PCDH11X: variants seen among roughly 807,000 people sequenced by gnomAD.
The protein encoded by PCDH11X is protocadherin-11 X-linked.
PCDH11X carries 18 observed loss-of-function variants against 53.3 expected under a neutral mutation model. The ratio of observed to expected loss-of-function variants is 0.34; its 90% CI spans 0.23 to 0.50. The LOEUF is 0.50. PCDH11X is among the 20% of genes least tolerant of loss of function. The pLI, the probability that PCDH11X is intolerant of heterozygous loss-of-function variation, is 0.98. For synonymous variants in PCDH11X, 279 were observed against 393.3 expected (o/e 0.71, Z 3.44); for missense variants, 570 against 1,032.4 (o/e 0.55, Z 6.14).
At chrX:92,217,730 C>T (rs1055770692) in intron 7 of PCDH11X, among the ~76,000 whole-genome samples, 6 of 109,824 alleles carry the variant, frequency 5.5e-5, no homozygotes, top group Non-Finnish European at 9.5e-5. Context: ...AACTCTCCAC[C>T]CCAAATCAAC....
intron 6 of PCDH11X, among the ~76,000 whole-genome samples, chrX:92,117,073 T>G (rs1003648728): frequency 9.2e-6 from 1 of 108,628 alleles, no homozygotes; most frequent in Admixed American, 1.0e-4. Flanking sequence ...ACTTGGGGAT[T>G]TCTAAGATTT....
chrX:92,142,363 C>CGT (rs1359168258), intron 6 of PCDH11X, among the ~76,000 whole-genome samples: 30 of 66,593 alleles, frequency 4.5e-4, no homozygotes, highest in Admixed American at 1.7e-4. Context: ...CATGCATGTG[C>CGT]GCGCGCGCAC....
At chrX:92,373,987 A>G (rs1203152135) in intron 8 of PCDH11X, among the ~76,000 whole-genome samples, 1 of 110,754 alleles carries the variant, frequency 9.0e-6, no homozygotes, top group African/African-American at 3.3e-5. Context: ...GGCAATTAAA[A>G]AAACAATAAT....
At chrX:92,326,639 T>TATATATATATATATATATATATATATAG (rs758088746) in intron 8 of PCDH11X, among the ~76,000 whole-genome samples, 2 of 39,307 alleles carry the variant, frequency 5.1e-5, no homozygotes, top group Non-Finnish European at 7.6e-5. Context: ...TATATATATA[T>TATATATATATATATATATATATATATAG]AGAGAGAGAG....
intron 9 of PCDH11X, among the ~76,000 whole-genome samples, chrX:92,393,469 A>G (rs1195037114): frequency 9.1e-6 from 1 of 110,258 alleles, no homozygotes; most frequent in Non-Finnish European, 1.9e-5. Flanking sequence ...AAGAGGTTGA[A>G]CTCCATGGCC....
At chrX:92,202,991 C>G (rs746630012) in intron 7 of PCDH11X, among the ~76,000 whole-genome samples, 1 of 111,288 alleles carries the variant, frequency 9.0e-6, no homozygotes, top group Non-Finnish European at 1.9e-5. Flanking sequence ...CCACTGCACT[C>G]CAGCCTGGGC....
chrX:92,508,023 C>G (rs2074095341), intron 10 of PCDH11X, among the ~76,000 whole-genome samples: 1 of 109,894 alleles, frequency 9.1e-6, no homozygotes, highest in Non-Finnish European at 1.9e-5. Flanking sequence ...CCATGTTGAC[C>G]AGGCTGGTCT....
intron 6 of PCDH11X, among the ~76,000 whole-genome samples, chrX:91,915,571 A>T (rs1941527143): frequency 9.0e-6 from 1 of 111,571 alleles, no homozygotes; most frequent in Non-Finnish European, 1.9e-5. Context: ...AATTTAAAGC[A>T]ACAACATGAA....
At chrX:92,273,236 T>A (rs945380456) in intron 8 of PCDH11X, among the ~76,000 whole-genome samples, 4 of 105,723 alleles carry the variant, frequency 3.8e-5, no homozygotes, top group East Asian at 3.0e-4. Flanking sequence ...GGGAAGGTAA[T>A]GGAAAATTAC....
chrX:92,183,022 A>G (rs911909816), intron 6 of PCDH11X, among the ~76,000 whole-genome samples: 1 of 111,183 alleles, frequency 9.0e-6, no homozygotes, highest in Non-Finnish European at 1.9e-5. Flanking sequence ...AGACTGTGAC[A>G]TTATTCTTAA....
intron 10 of PCDH11X, among the ~76,000 whole-genome samples, chrX:92,504,663 A>G (rs1439043784): frequency 8.9e-6 from 1 of 112,027 alleles, no homozygotes; most frequent in African/African-American, 3.2e-5. Context: ...GTATATACCC[A>G]GTAATGGGAT....
At chrX:91,948,898 G>A (rs2061606521) in intron 6 of PCDH11X, among the ~76,000 whole-genome samples, 2 of 110,552 alleles carry the variant, frequency 1.8e-5, no homozygotes. Flanking sequence ...TAGAAGGTGA[G>A]GATAAGGACA....
At chrX:91,802,027 G>A (rs755003606) in intron 1 of PCDH11X, among the ~76,000 whole-genome samples, 33 of 113,469 alleles carry the variant, frequency 2.9e-4, no homozygotes, top group Non-Finnish European at 4.9e-4. Context: ...CTTACGGCAA[G>A]TGGGGCAGAT....
chrX:92,043,961 C>T (rs1221962400), intron 6 of PCDH11X, among the ~76,000 whole-genome samples: 2 of 110,847 alleles, frequency 1.8e-5, no homozygotes, highest in Non-Finnish European at 1.9e-5. Context: ...ATTAGTTCAA[C>T]TTGTCACTTT....
At chrX:91,858,271 T>C (rs1185286899) in intron 5 of PCDH11X, among the ~76,000 whole-genome samples, 1 of 110,502 alleles carries the variant, frequency 9.0e-6, no homozygotes, top group Non-Finnish European at 1.9e-5. Flanking sequence ...TGGTCCCAGC[T>C]CATGAAACAA....
intron 9 of PCDH11X, among the ~76,000 whole-genome samples, chrX:92,441,730 G>A (rs2072519760): frequency 8.9e-6 from 1 of 112,211 alleles, no homozygotes; most frequent in Admixed American, 9.4e-5. Context: ...CAGTGTGGTA[G>A]GGAAATGTGG....
intron 9 of PCDH11X, among the ~76,000 whole-genome samples, chrX:92,402,100 T>A (rs1350742748): frequency 9.0e-6 from 1 of 110,822 alleles, no homozygotes; most frequent in African/African-American, 3.3e-5. Context: ...GGACCTGATA[T>A]ACAGTCTAGG....
intron 5 of PCDH11X, among the ~76,000 whole-genome samples, chrX:91,843,620 A>G (rs1427413455): frequency 1.1e-4 from 12 of 110,939 alleles, no homozygotes; most frequent in African/African-American, 3.6e-4. Context: ...ACTTGGCCAT[A>G]TTTATTATGT....
intron 8 of PCDH11X, among the ~76,000 whole-genome samples, chrX:92,279,607 G>A (rs1228588251): frequency 1.8e-5 from 2 of 112,476 alleles, no homozygotes; most frequent in Non-Finnish European, 3.8e-5. Flanking sequence ...CTTATATAAA[G>A]TTGGTTGGGC....
Sources: gnomAD v4.1 joint callset for allele counts (sites outside exome capture counted in the v4.1 genomes callset) on GRCh38, gnomAD v4.1.1 for gene constraint, MANE v1.5 for transcripts, NCBI Gene and HGNC (gene_info 2026-07-23, HGNC 2026-07-21) for gene names.